ADGRL2: variants seen among roughly 807,000 people sequenced by gnomAD.
ADGRL2 encodes the protein calcium-independent alpha-latrotoxin receptor 2.
A neutral mutation model predicts 157.4 loss-of-function variants in ADGRL2; 44 were observed. That is an observed-to-expected ratio of 0.28 (90% CI 0.22 to 0.36). The LOEUF (loss-of-function observed/expected upper bound fraction) is 0.36. ADGRL2 is among the 10% of genes least tolerant of loss of function. ADGRL2 has a pLI of 1.00. For missense variants in ADGRL2, 1,510 were observed against 1,768.9 expected, an observed-to-expected ratio of 0.85 and a Z score of 2.63; for synonymous variants, 585 against 624.7, an observed-to-expected ratio of 0.94 and a Z score of 0.95.
At chr1:81,691,689 G>C (rs1050100374) in intron 3 of ADGRL2, among the ~76,000 whole-genome samples, 4 of 151,512 alleles carry the variant, frequency 2.6e-5, no homozygotes, top group Non-Finnish European at 5.9e-5. Context: ...AATAGAGATG[G>C]GGTTTCTCCA....
intron 3 of ADGRL2, among the ~76,000 whole-genome samples, chr1:81,914,381 T>G (rs1410150630): frequency 6.6e-6 from 1 of 152,190 alleles, no homozygotes; most frequent in Non-Finnish European, 1.5e-5. Context: ...GTATGTCTTA[T>G]GGTGTTTCAT....
At chr1:81,667,729 G>A (rs967400534) in intron 3 of ADGRL2, among the ~76,000 whole-genome samples, 7 of 152,096 alleles carry the variant, frequency 4.6e-5, no homozygotes, top group African/African-American at 1.2e-4. Flanking sequence ...TTTTGAGGGT[G>A]TATCTAAGTA....
At position 81,373,321 on chromosome 1, in the gene ADGRL2, G is replaced by A. The variant is rs541771994; in HGVS notation, c.-302+66812G>A. Among the ~76,000 whole-genome samples, 177 of 152,242 alleles carry A rather than the reference G, an allele frequency of 1.2e-3. 5 individuals carry two copies. The highest frequency in any genetic ancestry group is 1.0e-3 in the Non-Finnish European group (68 of 68,014). ...AAAAACCCTAAGCAGGATGAGCCTG[G>A]GGGCAAAACCATACTTACAGCTGAA... On this transcript the variant is annotated intron_variant, in intron 1 of 24. Transcript: ENST00000370721.
chr1:81,954,290 C>T lies in ADGRL2; in HGVS notation c.1833+1265C>T, dbSNP rs113285713. ...TAATGATCATTTTGATCCCACTAGA[C>T]GAGTACAAATAGTAATAAATAAGGA... On this transcript the variant is annotated intron_variant, in intron 10 of 23. Coordinates refer to ENST00000686636, the MANE Select transcript of ADGRL2 (RefSeq NM_001366006.2). Among the ~76,000 whole-genome samples the T allele has an allele frequency of 7.2e-3, 1,088 of 151,408 alleles. 8 individuals carry two copies. The highest frequency in any genetic ancestry group is 0.01 in the South Asian group (49 of 4,786).
chr1:81,429,785 C>T (rs1005465806), intron 1 of ADGRL2, among the ~76,000 whole-genome samples: 1 of 152,144 alleles, frequency 6.6e-6, no homozygotes, highest in Non-Finnish European at 1.5e-5. Context: ...CTTCCATATG[C>T]CAGGCAACGT....
intron 1 of ADGRL2, among the ~76,000 whole-genome samples, chr1:81,388,417 A>G (rs940113309): frequency 2.7e-5 from 4 of 149,890 alleles, no homozygotes; most frequent in Admixed American, 1.4e-4. Context: ...AAGGCTGCAA[A>G]TCAGTAAAAA....
chr1:81,661,368 C>A (rs142148638), intron 3 of ADGRL2, among the ~76,000 whole-genome samples: 2 of 152,130 alleles, frequency 1.3e-5, no homozygotes, highest in Non-Finnish European at 2.9e-5. Flanking sequence ...AATCATTACA[C>A]GTTTTTGGTT....
At position 81,702,486 on chromosome 1, in the gene ADGRL2, T is replaced by C. The variant is rs370773044; in HGVS notation, c.-143+2678T>C. On this transcript the variant is annotated intron_variant, in intron 1 of 20. Transcript: ENST00000359929. ...CAAGAAGGAAGAAGAAAATCCAGGATGGTGAAAGAACTCCAGGGTATCTTC... is the reference window on the plus strand; with the variant it reads ...CAAGAAGGAAGAAGAAAATCCAGGACGGTGAAAGAACTCCAGGGTATCTTC... 6.6e-4 allele frequency among the ~76,000 whole-genome samples: 100 copies of C among 152,296 alleles called. No individual in the cohort carries two copies. In the South Asian group the frequency reaches 0.019, roughly 29 times the overall value.
chr1:81,890,729 A>G (rs2094240436), intron 2 of ADGRL2, among the ~76,000 whole-genome samples: 1 of 57,102 alleles, frequency 1.8e-5, no homozygotes, highest in African/African-American at 8.2e-5. Context: ...GTGCAGAGAT[A>G]CACGGCAGTC....
intron 2 of ADGRL2, 132 bp from the exon 3 acceptor site, chr1:81,906,885 A>G (rs76747839): frequency 0.067 from 48,212 of 716,292 alleles, 1,894 homozygotes; most frequent in East Asian, 0.1. Context: ...CCAAAAAATT[A>G]TTTAATAAAT....
intron 1 of ADGRL2, among the ~76,000 whole-genome samples, chr1:81,313,048 A>T (rs1288854788): frequency 1.3e-5 from 2 of 152,196 alleles, no homozygotes; most frequent in Non-Finnish European, 2.9e-5. Context: ...TGTCTGCTAC[A>T]TGCCCAAAAC....
upstream of ADGRL2, among the ~76,000 whole-genome samples, chr1:81,697,221 T>C (rs1297740559): frequency 1.3e-5 from 2 of 151,970 alleles, no homozygotes; most frequent in African/African-American, 2.4e-5. Context: ...TTTTTGAAAG[T>C]TGCATAAGCT....
intron 2 of ADGRL2, among the ~76,000 whole-genome samples, chr1:81,482,339 C>T (rs1260720183): frequency 6.6e-6 from 1 of 152,094 alleles, no homozygotes; most frequent in Non-Finnish European, 1.5e-5. Context: ...TTCATTGTGT[C>T]CTTAAAAATG....
intron 6 of ADGRL2, among the ~76,000 whole-genome samples, chr1:81,948,770 A>G (rs1650769816): frequency 6.6e-6 from 1 of 152,222 alleles, no homozygotes; most frequent in Non-Finnish European, 1.5e-5. Flanking sequence ...CATCTCTCAT[A>G]TGGTCAATAA....
At chr1:81,721,899 A>C (rs2149128641) in intron 1 of ADGRL2, 2 of 717,430 alleles carry the variant, frequency 2.8e-6, no homozygotes, top group Non-Finnish European at 5.1e-6. Flanking sequence ...GGAAAACTTA[A>C]AGGCAGACAA....
At chr1:81,803,785 C>T (rs1054477436) in intron 1 of ADGRL2, among the ~76,000 whole-genome samples, 9 of 152,138 alleles carry the variant, frequency 5.9e-5, no homozygotes, top group African/African-American at 1.7e-4. Context: ...TTTTATTCTG[C>T]ATTCTTTCAG....
chr1:81,578,058 A>T (rs2080830795), intron 2 of ADGRL2, among the ~76,000 whole-genome samples: 1 of 152,198 alleles, frequency 6.6e-6, no homozygotes, highest in Non-Finnish European at 1.5e-5. Flanking sequence ...AATAAATGAC[A>T]CAGGGTATTA....
chr1:81,672,893 T>C (rs764236012), intron 3 of ADGRL2, among the ~76,000 whole-genome samples: 3 of 152,236 alleles, frequency 2.0e-5, no homozygotes, highest in Non-Finnish European at 2.9e-5. Flanking sequence ...GATTTGGAAA[T>C]GTTTGAAAAC....
At chr1:81,777,134 C>T (rs980687397) in intron 2 of ADGRL2, among the ~76,000 whole-genome samples, 2 of 152,138 alleles carry the variant, frequency 1.3e-5, no homozygotes, top group African/African-American at 4.8e-5. Flanking sequence ...CTATATTCTT[C>T]CCATCTATAT....
Sources: gnomAD v4.1 joint callset for allele counts (sites outside exome capture counted in the v4.1 genomes callset) on GRCh38, gnomAD v4.1.1 for gene constraint, MANE v1.5 for transcripts, NCBI Gene and HGNC (gene_info 2026-07-23, HGNC 2026-07-21) for gene names.